Variants in FBXL13 observed in about 807,000 individuals in gnomAD.
FBXL13 encodes F-box and leucine rich repeat protein 13.
A neutral mutation model predicts 83.6 loss-of-function variants in FBXL13; 67 were observed. The observed-to-expected ratio is 0.80, with a 90% CI of 0.66 to 0.98. The LOEUF (loss-of-function observed/expected upper bound fraction) is 0.98. Among genes scored for constraint, FBXL13 ranks in the 50% least tolerant of loss-of-function variants. The pLI is 0.00. For synonymous variants in FBXL13, 272 were observed against 299.5 expected (o/e 0.91, Z 0.95); for missense variants, 822 against 866.5 (o/e 0.95, Z 0.64).
intron 6 of FBXL13, among the ~76,000 whole-genome samples, chr7:102,994,632 A>G (rs1208222691): frequency 6.6e-6 from 1 of 152,234 alleles, no homozygotes; most frequent in African/African-American, 2.4e-5. Flanking sequence ...CATTAAAGAA[A>G]AAAGGAGGGT....
At chr7:102,882,587 C>A (rs1810246365) in intron 14 of FBXL13, among the ~76,000 whole-genome samples, 1 of 151,992 alleles carries the variant, frequency 6.6e-6, no homozygotes, top group African/African-American at 2.4e-5. Flanking sequence ...AGTGGTAAAA[C>A]CCTCTCTCTA....
At chr7:102,992,625 G>A (rs1829697561) in intron 6 of FBXL13, among the ~76,000 whole-genome samples, 1 of 152,156 alleles carries the variant, frequency 6.6e-6, no homozygotes, top group South Asian at 2.1e-4. Context: ...TTGGGAGGGG[G>A]ATGGGGTCTC....
chr7:103,028,736 G>T, exon 4 of FBXL13: 1 of 1,578,510 alleles, frequency 6.3e-7, no homozygotes, highest in South Asian at 1.2e-5. Flanking sequence ...TACGAGCTAT[G>T]TCTCTCCAAG....
At chr7:102,851,353 T>G (rs1805182981) in intron 17 of FBXL13, among the ~76,000 whole-genome samples, 1 of 152,174 alleles carries the variant, frequency 6.6e-6, no homozygotes, top group Admixed American at 6.5e-5. Context: ...AGGTTTGCCA[T>G]GCTCTGTGGA....
chr7:102,870,084 AAACT>A (rs1808328980), intron 16 of FBXL13, among the ~76,000 whole-genome samples: 1 of 152,190 alleles, frequency 6.6e-6, no homozygotes, highest in African/African-American at 2.4e-5. Context: ...CATACAATTA[AAACT>A]AACATGGAAA....
intron 2 of FBXL13, among the ~76,000 whole-genome samples, chr7:103,033,300 T>C (rs1794711819): frequency 6.6e-6 from 1 of 152,218 alleles, no homozygotes; most frequent in Non-Finnish European, 1.5e-5. Context: ...AAGAACAAAC[T>C]GCAGGCAGAA....
chr7:102,899,717 T>G (rs1812724686), intron 11 of FBXL13, among the ~76,000 whole-genome samples: 1 of 152,190 alleles, frequency 6.6e-6, no homozygotes, highest in Admixed American at 6.5e-5. Flanking sequence ...TAAGTACATT[T>G]GCAAGTTATG....
rs762064197 is a variant in FBXL13 at position 102,926,341 on chromosome 7, G to A, written c.811C>T (p.Pro271Ser). Residue 271 changes from proline (P) to serine (S), a missense_variant, in exon 10 of 20, where the codon CCG becomes TCG. Physicochemically the swap from Pro to Ser is moderately conservative, Grantham distance 74. Transcript: ENST00000313221. Reference sequence around the variant, plus strand: ...GACAGATTGAGACACAGGACCCCCGGGCAGCCCTCAGAAATGTGTCTCATT... The same window carrying A: ...GACAGATTGAGACACAGGACCCCCGAGCAGCCCTCAGAAATGTGTCTCATT... 5.0e-6 allele frequency: 8 copies of A among 1,613,744 alleles called. No individual in the cohort carries two copies. Among genetic ancestry groups the A allele is most frequent in the South Asian group, 4.4e-5 (4 of 91,022 alleles).
chr7:102,838,031 G>C (rs775547023), intron 17 of FBXL13, among the ~76,000 whole-genome samples: 2 of 152,216 alleles, frequency 1.3e-5, no homozygotes, highest in Non-Finnish European at 2.9e-5. Context: ...GGAGTGAGGA[G>C]AATGAGCTTC....
At chr7:102,839,094 C>T (rs1802491241) in intron 17 of FBXL13, among the ~76,000 whole-genome samples, 1 of 152,202 alleles carries the variant, frequency 6.6e-6, no homozygotes. Context: ...CGCCCTATGG[C>T]GGGAGACGAG....
At chr7:102,842,900 C>G (rs1384993714) in intron 17 of FBXL13, among the ~76,000 whole-genome samples, 1 of 152,184 alleles carries the variant, frequency 6.6e-6, no homozygotes, top group East Asian at 1.9e-4. Flanking sequence ...CTGGGTCAGA[C>G]CAAAAGTCAA....
chr7:102,822,184 T>A (rs1314983259), exon 19 of FBXL13: 1 of 1,613,974 alleles, frequency 6.2e-7, no homozygotes, highest in African/African-American at 1.3e-5. Flanking sequence ...CGATAACATC[T>A]CCATTGCTGA....
rs536329889 is a variant in FBXL13 at position 103,037,108 on chromosome 7, T to C, written c.1-7690A>G. On this transcript the variant is annotated intron_variant, in intron 2 of 19. Coordinates refer to ENST00000313221, the Ensembl canonical transcript of FBXL13. ...TTATTATATGTTACACTTAAACTTA[T>C]CCTAAACAACATGAATCTAGTTCAT... Among the ~76,000 whole-genome samples, 35 of 152,342 alleles carry C rather than the reference T, an allele frequency of 2.3e-4. No individual in the cohort carries two copies. In the East Asian group the frequency reaches 6.6e-3, roughly 29 times the overall value.
chr7:103,039,898 C>T (rs1471407174), intron 2 of FBXL13, among the ~76,000 whole-genome samples: 2 of 151,968 alleles, frequency 1.3e-5, no homozygotes, highest in Non-Finnish European at 2.9e-5. Flanking sequence ...ACCATCGATG[C>T]TATGAAGAAA....
At chr7:103,070,752 A>AAC (rs915732034) in intron 1 of FBXL13, among the ~76,000 whole-genome samples, 69 of 152,292 alleles carry the variant, frequency 4.5e-4, no homozygotes, top group African/African-American at 1.6e-3. Flanking sequence ...GAGTAAGAGA[A>AAC]ACAGCTAGAG....
intron 8 of FBXL13, among the ~76,000 whole-genome samples, chr7:102,940,640 C>A (rs1821242398): frequency 6.6e-6 from 1 of 152,206 alleles, no homozygotes; most frequent in African/African-American, 2.4e-5. Flanking sequence ...AAAATGTGCT[C>A]AAACCAGAGC....
chr7:102,883,174 C>T (rs1810344566), intron 14 of FBXL13, 131 bp downstream of exon 15: 1 of 868,796 alleles, frequency 1.2e-6, no homozygotes, highest in Admixed American at 3.1e-5. Context: ...GAACTCTGCA[C>T]TTACCTCTAC....
chr7:102,922,980 C>CA lies in FBXL13; in HGVS notation c.878+3293dup, dbSNP rs563556141. On this transcript the variant is annotated intron_variant, in intron 10 of 19. Transcript: ENST00000313221. ...GCGACAGAGCGAGACTCCGTCTCAA[C>CA]AAAAAAAAGAAAAAGAAAATTAAAA... Among the ~76,000 whole-genome samples, 563 of 150,174 alleles carry CA rather than the reference C, an allele frequency of 3.7e-3. 5 individuals are homozygous for CA. The highest frequency in any genetic ancestry group is 0.014 in the African/African-American group (554 of 40,870).
intron 8 of FBXL13, among the ~76,000 whole-genome samples, chr7:102,954,777 G>A (rs1423496482): frequency 6.6e-6 from 1 of 151,968 alleles, no homozygotes; most frequent in African/African-American, 2.4e-5. Context: ...AACCAACAAA[G>A]ATCAAAAGAG....
Sources: gnomAD v4.1 joint callset for allele counts (sites outside exome capture counted in the v4.1 genomes callset) on GRCh38, gnomAD v4.1.1 for gene constraint, MANE v1.5 for transcripts, NCBI Gene and HGNC (gene_info 2026-07-23, HGNC 2026-07-21) for gene names.